DLGAP3: variants seen among roughly 807,000 people sequenced by gnomAD.
The protein encoded by DLGAP3 is disks large-associated protein 3.
In DLGAP3, 17 loss-of-function variants were observed where a neutral mutation model predicts 81.2. The observed-to-expected ratio is 0.21, with a 90% CI of 0.14 to 0.31. The LOEUF is 0.31. DLGAP3 is among the 10% of genes least tolerant of loss of function. The pLI is 1.00. For missense variants in DLGAP3, 1,124 were observed against 1,388.0 expected, an observed-to-expected ratio of 0.81 and a Z score of 3.02; for synonymous variants, 577 against 587.4, an observed-to-expected ratio of 0.98 and a Z score of 0.26.
chr1:34,903,046 G>C (rs965686234), intron 3 of DLGAP3, among the ~76,000 whole-genome samples: 6 of 152,158 alleles, frequency 3.9e-5, no homozygotes, highest in African/African-American at 1.4e-4. Flanking sequence ...AGTTCTCCAG[G>C]AGAGCCCTAA....
chr1:34,885,029 C>A lies in DLGAP3; in HGVS notation c.1949G>T (p.Arg650Met). 1 of 1,613,636 alleles carries A rather than the reference C, an allele frequency of 6.2e-7. No homozygotes were observed. Among genetic ancestry groups the A allele is most frequent in the Non-Finnish European group, 8.5e-7 (1 of 1,180,012 alleles). The change falls in exon 8 of 12, where the codon AGG becomes ATG. Residue 650 changes from arginine to methionine, a missense_variant. Physicochemically the swap from Arg to Met is moderately conservative, Grantham distance 91. This residue lies in a region of DLGAP3 where 379 missense variants were observed against 455.7 expected (regional missense o/e 0.83). Transcript: ENST00000373347. ...AATAGAGTGGAACTCCCTCCGGCTC[C>A]TGTTCTCGGTGTCCGAATCTGAGAT... ...ETISDSDTEN[R>M]SRREFHSIGV... is the part of the protein sequence containing the mutation.
intron 8 of DLGAP3, among the ~76,000 whole-genome samples, chr1:34,875,866 ATCCTTCGGATC>A: frequency 6.6e-6 from 1 of 152,324 alleles, no homozygotes; most frequent in Admixed American, 6.5e-5. Flanking sequence ...ATTTTTGTTC[ATCCTTCGGATC>A]TCCACCCAAA....
Position 34,867,665 on chromosome 1 carries a change from C to A in DLGAP3, c.2486-38G>T. 1 of 1,516,216 alleles carries A rather than the reference C, an allele frequency of 6.6e-7. No homozygotes were observed. The highest frequency in any genetic ancestry group is 9.2e-7 in the Non-Finnish European group (1 of 1,092,272). The allele number at this position is 1,516,216 out of a possible 1,614,324, so 93.9% of individuals were successfully genotyped here. A position where few individuals can be genotyped will look rare whatever the true frequency, so the allele number is the denominator to read the frequency against. Reference sequence around the variant, plus strand: ...AGGAAATTCAGGGAGGGAAATGATGCATCTCCTTCCCCAGCCTCCACGAAG... The same window carrying A: ...AGGAAATTCAGGGAGGGAAATGATGAATCTCCTTCCCCAGCCTCCACGAAG... On this transcript the variant is annotated intron_variant, in intron 9 of 11. Transcript: ENST00000373347. The surrounding 1 kb of genome is among the most constrained non-coding windows in gnomAD (Gnocchi z 4.3).
intron 1 of DLGAP3, among the ~76,000 whole-genome samples, chr1:34,924,041 C>A (rs1207055158): frequency 6.6e-6 from 1 of 152,142 alleles, no homozygotes; most frequent in Non-Finnish European, 1.5e-5. Context: ...TGTTCCCCTA[C>A]AGACTCATCT....
rs898285733 is a variant in DLGAP3, at chr1:34,895,425, CAAA to C, written c.1386+4241_1386+4243del. Among the ~76,000 whole-genome samples, 1 of 149,900 alleles carries C rather than the reference CAAA, an allele frequency of 6.7e-6. No individual in the cohort carries two copies. The highest frequency in any genetic ancestry group is 1.5e-5 in the Non-Finnish European group (1 of 67,380). ...AAGTAAAATAAATGCTGAAAGAAAT[CAAA>C]GAAGAACTGAATAAATGGAAATACA... On this transcript the variant is annotated intron_variant, in intron 5 of 11. Coordinates refer to ENST00000373347, the MANE Select transcript of DLGAP3 (RefSeq NM_001080418.3). The surrounding 1 kb of genome is among the most constrained non-coding windows in gnomAD (Gnocchi z 4.5).
chr1:34,912,885 G>A (rs777415926), intron 1 of DLGAP3, among the ~76,000 whole-genome samples: 16 of 152,210 alleles, frequency 1.1e-4, no homozygotes, highest in Non-Finnish European at 1.9e-4. Flanking sequence ...TGCCCGCTCC[G>A]GCCCAGCCCC....
At chr1:34,919,037 G>A (rs550555650) in intron 1 of DLGAP3, among the ~76,000 whole-genome samples, 4 of 152,096 alleles carry the variant, frequency 2.6e-5, no homozygotes, top group South Asian at 4.2e-4. Flanking sequence ...CCATGACACC[G>A]CGGGCAGGTG....
Position 34,886,424 on chromosome 1 carries a change from ACT to A in DLGAP3, c.1387-141_1387-140del, listed in dbSNP as rs1639231453. ...CTCTTCCGCATTTGAACTAAAAGAAACTCTAACTCTTTGCAAAGAAAGATGGG... is the reference window on the plus strand; with the variant it reads ...CTCTTCCGCATTTGAACTAAAAGAAACTAACTCTTTGCAAAGAAAGATGGG... On this transcript the variant is annotated intron_variant, in intron 5 of 11. Transcript: ENST00000373347. 6.0e-6 allele frequency: 5 copies of A among 838,080 alleles called. No individual in the cohort carries two copies. The South Asian group carries it at 1.0e-4, about 17-fold the overall frequency. The allele number at this position is 838,080 out of a possible 1,614,324, so 51.9% of individuals were successfully genotyped here.
Position 34,902,736 on chromosome 1 carries a change from G to T in DLGAP3, c.1107+1541C>A, listed in dbSNP as rs530957990. 6.6e-6 allele frequency among the ~76,000 whole-genome samples: 1 copy of T among 152,204 alleles called. No individual in the cohort carries two copies. Among genetic ancestry groups the T allele is most frequent in the South Asian group, 2.1e-4 (1 of 4,826 alleles). Reference sequence around the variant, plus strand: ...GCAGATGGGAAGGCCATACTGCAGGGTTCCCATTCTAGCCACTGCAGAGCT... The same window carrying T: ...GCAGATGGGAAGGCCATACTGCAGGTTTCCCATTCTAGCCACTGCAGAGCT... On this transcript the variant is annotated intron_variant, in intron 3 of 11. Transcript: ENST00000373347. This position sits in a 1 kb window ranked among gnomAD's most constrained non-coding sequence, Gnocchi z 4.4.
chr1:34,887,272 T>A (rs1380542324), intron 5 of DLGAP3, among the ~76,000 whole-genome samples: 1 of 152,000 alleles, frequency 6.6e-6, no homozygotes, highest in African/African-American at 2.4e-5. Flanking sequence ...TCCCCAACCT[T>A]CTATCCACTC....
At chr1:34,893,066 G>A (rs553905809) in intron 5 of DLGAP3, among the ~76,000 whole-genome samples, 1 of 151,716 alleles carries the variant, frequency 6.6e-6, no homozygotes, top group East Asian at 1.9e-4. Context: ...CAGCTACTCG[G>A]GAGGCTGAGG....
At chr1:34,907,126 C>T (rs893648155) in intron 2 of DLGAP3, among the ~76,000 whole-genome samples, 1 of 152,180 alleles carries the variant, frequency 6.6e-6, no homozygotes, top group Admixed American at 6.5e-5. Flanking sequence ...TACTATTTCC[C>T]AAGTACTCGC....
rs1014952427 is a variant in DLGAP3 at position 34,902,322 on chromosome 1, G to A, written c.1107+1955C>T. On this transcript the variant is annotated intron_variant, in intron 3 of 11. Transcript: ENST00000373347. This position sits in a 1 kb window ranked among gnomAD's most constrained non-coding sequence, Gnocchi z 4.4. ...GATGGGGTCCCTTGAAGGAACCCAC[G>A]GGCAGGAGCAGGGCTCTTCAAGGGG... Among the ~76,000 whole-genome samples the A allele has an allele frequency of 2.0e-5, 3 of 152,238 alleles. No individual in the cohort carries two copies. The highest frequency in any genetic ancestry group is 1.9e-4 in the East Asian group (1 of 5,172).
At chr1:34,888,720 C>CCA (rs149897155) in intron 5 of DLGAP3, among the ~76,000 whole-genome samples, 14,435 of 152,300 alleles carry the variant, frequency 0.095, 813 homozygotes, top group Admixed American at 0.14. Flanking sequence ...CTGACACAAG[C>CCA]CACACTTGTG....
Position 34,869,004 on chromosome 1 carries a change from C to A in DLGAP3, c.2086G>T (p.Val696Leu), listed in dbSNP as rs1469762996. 6.2e-7 allele frequency: 1 copy of A among 1,606,038 alleles called. No homozygotes were observed. The highest frequency in any genetic ancestry group is 8.5e-7 in the Non-Finnish European group (1 of 1,179,488). ...ELEGLAGLAT[V>L]ATEDKALQFG... is the part of the protein sequence containing the mutation. ...TGCAGGGCCTTGTCTTCTGTGGCCA[C>A]CGTGGCCAGGCCTGCCAGGCCCTCC... The change falls in exon 9 of 12, where the codon GTG (valine) becomes TTG (leucine). Residue 696 changes from valine (V) to leucine (L), a missense_variant. This residue lies in a region of DLGAP3 where 379 missense variants were observed against 455.7 expected (regional missense o/e 0.83). Transcript: ENST00000373347.
intron 5 of DLGAP3, among the ~76,000 whole-genome samples, chr1:34,897,598 T>G (rs1439969238): frequency 1.3e-5 from 2 of 152,162 alleles, no homozygotes; most frequent in African/African-American, 4.8e-5. Flanking sequence ...AAGCCATGGT[T>G]AGGTTCTTGA....
chr1:34,911,022 A>ACCCCCCC (rs58074971), intron 1 of DLGAP3, among the ~76,000 whole-genome samples: 29 of 132,016 alleles, frequency 2.2e-4, no homozygotes, highest in Admixed American at 4.0e-4. Context: ...GATATTATCC[A>ACCCCCCC]CCCCCCCCCC....
chr1:34,870,633 C>A (rs563094317), intron 8 of DLGAP3, among the ~76,000 whole-genome samples: 1 of 152,208 alleles, frequency 6.6e-6, no homozygotes, highest in Non-Finnish European at 1.5e-5. Flanking sequence ...CAGTCTCCAA[C>A]GAGCCCTATG....
chr1:34,921,180 C>G (rs995292489), intron 1 of DLGAP3, among the ~76,000 whole-genome samples: 1 of 152,152 alleles, frequency 6.6e-6, no homozygotes, highest in Non-Finnish European at 1.5e-5. Flanking sequence ...GTAGCACTCA[C>G]GTTGCTCAGG....
Sources: allele counts gnomAD v4.1 joint callset (sites outside exome capture counted in the v4.1 genomes callset), GRCh38; gene constraint gnomAD v4.1.1; regional missense constraint gnomAD v4.1.1; non-coding constraint Gnocchi (gnomAD v3.1); transcripts MANE v1.5; gene names NCBI Gene and HGNC (gene_info 2026-07-23, HGNC 2026-07-21).